Variants in MYO5A observed in about 807,000 individuals in gnomAD.
MYO5A encodes the protein unconventional myosin-Va.
In MYO5A, 98 loss-of-function variants were observed where a neutral mutation model predicts 249.7. The observed-to-expected ratio is 0.39, with a 90% CI of 0.33 to 0.46. The LOEUF is 0.46. Ranked by LOEUF, MYO5A falls within the 20% of genes least tolerant of loss-of-function variation. The probability of loss-of-function intolerance (pLI) is 0.98; values close to 1 mark genes in which losing one functional copy is unlikely to be tolerated. For missense variants in MYO5A, 1,696 were observed against 2,308.8 expected (o/e 0.73, Z 5.44); for synonymous variants, 778 against 810.6 (o/e 0.96, Z 0.68).
chr15:52,368,546 T>C (rs2141077965), intron 22 of MYO5A, among the ~76,000 whole-genome samples: 1 of 152,310 alleles, frequency 6.6e-6, no homozygotes, highest in East Asian at 1.9e-4. Flanking sequence ...GTCATTTTCC[T>C]GACCATGAAG....
intron 27 of MYO5A, among the ~76,000 whole-genome samples, chr15:52,352,041 C>T (rs1285784114): frequency 2.0e-5 from 3 of 152,188 alleles, no homozygotes; most frequent in South Asian, 2.1e-4. Context: ...TAAATGACAA[C>T]AAATAGTGTA....
At chr15:52,313,869 A>G in intron 41 of MYO5A, 21 bp from the exon 42 acceptor site, 2 of 1,613,260 alleles carry the variant, frequency 1.2e-6, no homozygotes, top group Non-Finnish European at 1.7e-6. Flanking sequence ...TAGGAAAAAA[A>G]ATAAACAGAG....
chr15:52,475,730 T>A (rs1175799452), intron 1 of MYO5A, among the ~76,000 whole-genome samples: 2 of 152,248 alleles, frequency 1.3e-5, no homozygotes, highest in Non-Finnish European at 2.9e-5. Flanking sequence ...AGTTCTAGTT[T>A]GATTGCACTG....
intron 4 of MYO5A, among the ~76,000 whole-genome samples, chr15:52,423,829 A>G (rs1317742303): frequency 6.6e-6 from 1 of 152,226 alleles, no homozygotes; most frequent in African/African-American, 2.4e-5. Context: ...TGAGAAGAGA[A>G]AATTACAGGA....
At chr15:52,399,653 T>C (rs567182532) in intron 9 of MYO5A, among the ~76,000 whole-genome samples, 1 of 152,306 alleles carries the variant, frequency 6.6e-6, no homozygotes, top group Admixed American at 6.5e-5. Flanking sequence ...GAAACTTTTT[T>C]TTCTTTTTTT....
chr15:52,463,823 C>A (rs1024830720), intron 1 of MYO5A, among the ~76,000 whole-genome samples: 6 of 152,230 alleles, frequency 3.9e-5, no homozygotes, highest in African/African-American at 1.4e-4. Context: ...ATCAAAAGTT[C>A]ATTCTTCATC....
intron 14 of MYO5A, among the ~76,000 whole-genome samples, chr15:52,385,576 A>T (rs4774622): frequency 0.7 from 106,102 of 151,496 alleles, 39,427 homozygotes; most frequent in Non-Finnish European, 0.81. Flanking sequence ...ATATATATAT[A>T]TTTTTTTAAA....
chr15:52,507,827 A>G (rs2077306917), intron 1 of MYO5A, among the ~76,000 whole-genome samples: 1 of 151,856 alleles, frequency 6.6e-6, no homozygotes, highest in Admixed American at 6.6e-5. Flanking sequence ...AAAAAGTGTA[A>G]TAACTAGAGA....
intron 1 of MYO5A, among the ~76,000 whole-genome samples, chr15:52,509,877 TTCTCTAA>T (rs2077354704): frequency 6.6e-6 from 1 of 151,266 alleles, no homozygotes; most frequent in Non-Finnish European, 1.5e-5. Context: ...GCCATTCTCC[TTCTCTAA>T]TCTCTTGGAG....
chr15:52,401,389 T>C (rs965961866), intron 9 of MYO5A, among the ~76,000 whole-genome samples: 1 of 152,198 alleles, frequency 6.6e-6, no homozygotes, highest in Non-Finnish European at 1.5e-5. Context: ...TTTTTAATTG[T>C]CTGAAAATGC....
chr15:52,449,372 C>T (rs2075966898), intron 1 of MYO5A, among the ~76,000 whole-genome samples: 1 of 152,196 alleles, frequency 6.6e-6, no homozygotes, highest in Non-Finnish European at 1.5e-5. Context: ...TCTCTCACCT[C>T]TCCTGGCCTT....
chr15:52,395,608 C>A (rs943060546), intron 11 of MYO5A, among the ~76,000 whole-genome samples: 1 of 152,128 alleles, frequency 6.6e-6, no homozygotes, highest in Non-Finnish European at 1.5e-5. Flanking sequence ...AAACCACACA[C>A]AGAAGGTACT....
chr15:52,505,691 T>G, intron 1 of MYO5A: 2 of 1,272,226 alleles, frequency 1.6e-6, no homozygotes, highest in Non-Finnish European at 2.3e-6. Context: ...CAAGCAGACG[T>G]CTTAGTCTGG....
At chr15:52,364,222 G>A (rs1458378737) in intron 24 of MYO5A, among the ~76,000 whole-genome samples, 1 of 151,716 alleles carries the variant, frequency 6.6e-6, no homozygotes, top group African/African-American at 2.4e-5. Flanking sequence ...TGGTGACACA[G>A]GGAGACTCCA....
At chr15:52,343,262 T>A (rs1431715874) in intron 30 of MYO5A, 65 bp from the exon 31 acceptor site, 6 of 1,304,240 alleles carry the variant, frequency 4.6e-6, no homozygotes, top group Non-Finnish European at 6.7e-6. Context: ...GAGGTGACGA[T>A]GGTCAACAGC....
chr15:52,339,626 T>C (rs2039288561), intron 32 of MYO5A, among the ~76,000 whole-genome samples: 1 of 152,154 alleles, frequency 6.6e-6, no homozygotes, highest in Non-Finnish European at 1.5e-5. Context: ...TCACTTGTTA[T>C]ACAAGTTCTG....
rs1393726283 is a variant in MYO5A, at chr15:52,383,134, A to G, written c.1969T>C (p.Tyr657His). The part of the protein sequence containing the change: ...METLNATTPH[Y>H]VRCIKPNDFK... ...TCATTAGGCTTGATACAGCGCACAT[A>G]GTGAGGGGTAGTGGCATTGAGTGTC... The change falls in exon 16 of 42, where the codon TAT (tyrosine) becomes CAT (histidine). Residue 657 changes from tyrosine (Y) to histidine (H), a missense_variant. By Grantham distance (83) the Tyr-to-His change is moderately conservative (BLOSUM62 2). Coordinates refer to ENST00000399233, the MANE Select transcript of MYO5A (RefSeq NM_001382347.1). The G allele has an allele frequency of 6.2e-7, 1 of 1,614,068 alleles. No homozygotes were observed.
At chr15:52,409,248 CCT>C (rs1272512809) in intron 6 of MYO5A, among the ~76,000 whole-genome samples, 2 of 152,052 alleles carry the variant, frequency 1.3e-5, no homozygotes, top group African/African-American at 4.8e-5. Context: ...TACTCACTTA[CCT>C]ATCAATCAAA....
chr15:52,528,932 G>A, upstream of MYO5A: 3 of 812,800 alleles, frequency 3.7e-6, no homozygotes, highest in South Asian at 1.1e-4. Flanking sequence ...GGGCCGGGCG[G>A]GGAGGGCCGC....
Sources: allele counts gnomAD v4.1 joint callset (sites outside exome capture counted in the v4.1 genomes callset), GRCh38; gene constraint gnomAD v4.1.1; transcripts MANE v1.5; gene names NCBI Gene and HGNC (gene_info 2026-07-23, HGNC 2026-07-21).